DPYD: variants seen among roughly 807,000 people sequenced by gnomAD.
DPYD encodes dihydropyrimidine dehydrogenase.
In DPYD, 109 loss-of-function variants were observed where a neutral mutation model predicts 116.2. The observed-to-expected ratio is 0.94, with a 90% CI of 0.80 to 1.10. The LOEUF (loss-of-function observed/expected upper bound fraction) is 1.10. Among genes scored for constraint, DPYD ranks in the 50% least tolerant of loss-of-function variants. The pLI is 0.00. For missense variants in DPYD, 1,302 were observed against 1,254.5 expected (o/e 1.04, Z -0.57); for synonymous variants, 440 against 432.0 (o/e 1.02, Z -0.23).
intron 8 of DPYD, among the ~76,000 whole-genome samples, chr1:97,651,117 T>C (rs536323698): frequency 3.3e-5 from 5 of 152,290 alleles, no homozygotes; most frequent in South Asian, 2.1e-4. Context: ...TTCATCTTTA[T>C]ACATAAAACA....
At chr1:97,428,271 C>A (rs1030727154) in intron 14 of DPYD, among the ~76,000 whole-genome samples, 1 of 152,058 alleles carries the variant, frequency 6.6e-6, no homozygotes, top group Non-Finnish European at 1.5e-5. Flanking sequence ...CAGTATTTAA[C>A]CATTTATTTT....
chr1:97,593,455 A>C, intron 9 of DPYD, 68 bp from the exon 10 acceptor site: 1 of 1,575,270 alleles, frequency 6.3e-7, no homozygotes, highest in Non-Finnish European at 8.7e-7. Flanking sequence ...CTCAAAAGAT[A>C]CTTGTACTCA....
At chr1:97,225,993 A>G (rs1011585317) in intron 19 of DPYD, among the ~76,000 whole-genome samples, 4 of 152,154 alleles carry the variant, frequency 2.6e-5, no homozygotes, top group African/African-American at 7.2e-5. Context: ...AATCTTCACC[A>G]AAGTAATAAC....
chr1:97,671,721 G>A (rs2100897299), intron 8 of DPYD, among the ~76,000 whole-genome samples: 1 of 151,866 alleles, frequency 6.6e-6, no homozygotes, highest in East Asian at 1.9e-4. Flanking sequence ...GCAATTCAAG[G>A]ATAAAAACCA....
chr1:97,102,396 C>CTCATATATATAT (rs1650762052), intron 20 of DPYD, among the ~76,000 whole-genome samples: 1 of 97,302 alleles, frequency 1.0e-5, no homozygotes, highest in Non-Finnish European at 2.0e-5. Context: ...CACTCAGTAT[C>CTCATATATATAT]ATATATATAT....
At chr1:97,638,868 C>T (rs1657719861) in intron 8 of DPYD, among the ~76,000 whole-genome samples, 1 of 152,078 alleles carries the variant, frequency 6.6e-6, no homozygotes, top group African/African-American at 2.4e-5. Flanking sequence ...GATCTAGTCC[C>T]ATGATTCAAA....
intron 13 of DPYD, among the ~76,000 whole-genome samples, chr1:97,468,877 T>C (rs1478006685): frequency 6.6e-6 from 1 of 152,174 alleles, no homozygotes; most frequent in Non-Finnish European, 1.5e-5. Flanking sequence ...AGGGCATAAG[T>C]CTTGAATTTA....
At chr1:97,899,310 G>A (rs1234486278) in intron 1 of DPYD, among the ~76,000 whole-genome samples, 1 of 151,674 alleles carries the variant, frequency 6.6e-6, no homozygotes, top group Non-Finnish European at 1.5e-5. Flanking sequence ...TCCCTTATTG[G>A]CAACTCTTCA....
intron 14 of DPYD, among the ~76,000 whole-genome samples, chr1:97,422,515 T>G (rs1292573986): frequency 2.0e-5 from 3 of 152,104 alleles, no homozygotes; most frequent in Non-Finnish European, 2.9e-5. Context: ...TAGAGTAACC[T>G]TTTTTAGAAT....
chr1:97,345,265 A>C (rs1380531374), intron 16 of DPYD, among the ~76,000 whole-genome samples: 2 of 152,002 alleles, frequency 1.3e-5, no homozygotes, highest in Non-Finnish European at 2.9e-5. Context: ...GACAAAAAGA[A>C]GATGAAAACT....
At chr1:97,893,971 A>C (rs1321008493) in intron 1 of DPYD, among the ~76,000 whole-genome samples, 1 of 151,902 alleles carries the variant, frequency 6.6e-6, no homozygotes, top group Non-Finnish European at 1.5e-5. Flanking sequence ...AATACAGAAC[A>C]GAGCATGCCA....
intron 2 of DPYD, among the ~76,000 whole-genome samples, chr1:97,875,311 C>T (rs941633152): frequency 6.6e-6 from 1 of 151,870 alleles, no homozygotes; most frequent in African/African-American, 2.4e-5. Flanking sequence ...CTAGGTGGAA[C>T]TATCATAAGA....
intron 8 of DPYD, among the ~76,000 whole-genome samples, chr1:97,622,436 T>A (rs992073078): frequency 6.6e-6 from 1 of 151,638 alleles, no homozygotes; most frequent in Non-Finnish European, 1.5e-5. Context: ...TCATCAAAAA[T>A]AAGGAAAGTC....
chr1:97,502,361 G>A (rs1178410896), intron 13 of DPYD, among the ~76,000 whole-genome samples: 1 of 152,028 alleles, frequency 6.6e-6, no homozygotes, highest in Non-Finnish European at 1.5e-5. Context: ...TTACCAGCAA[G>A]AACAGTTATT....
intron 13 of DPYD, among the ~76,000 whole-genome samples, chr1:97,466,579 G>A (rs540364394): frequency 6.6e-6 from 1 of 152,118 alleles, no homozygotes; most frequent in South Asian, 2.1e-4. Context: ...ATTATCATTT[G>A]TGCTTTTAAA....
intron 5 of DPYD, chr1:97,720,389 A>G (rs1212779113): frequency 4.5e-5 from 44 of 985,452 alleles, no homozygotes; most frequent in East Asian, 1.1e-4. Context: ...TTCTCCATCA[A>G]CTAAGGATTT....
At chr1:97,114,782 C>T (rs1651849845) in intron 20 of DPYD, among the ~76,000 whole-genome samples, 1 of 152,090 alleles carries the variant, frequency 6.6e-6, no homozygotes, top group South Asian at 2.1e-4. Flanking sequence ...AATAAAATCA[C>T]AAACAAATAC....
At chr1:97,330,032 G>T (rs1018843377) in intron 16 of DPYD, among the ~76,000 whole-genome samples, 1 of 151,568 alleles carries the variant, frequency 6.6e-6, no homozygotes, top group Non-Finnish European at 1.5e-5. Context: ...TACAACTTTC[G>T]TTATTATGTA....
At chr1:97,080,499 T>C (rs562025584) in intron 22 of DPYD, among the ~76,000 whole-genome samples, 1 of 152,158 alleles carries the variant, frequency 6.6e-6, no homozygotes, top group South Asian at 2.1e-4. Context: ...TTAATATTTT[T>C]AAAAAGTCTG....
Sources: gnomAD v4.1 joint callset for allele counts (sites outside exome capture counted in the v4.1 genomes callset) on GRCh38, gnomAD v4.1.1 for gene constraint, MANE v1.5 for transcripts, NCBI Gene and HGNC (gene_info 2026-07-23, HGNC 2026-07-21) for gene names.